ZBTB20: variants seen among roughly 807,000 people sequenced by gnomAD.
ZBTB20 encodes zinc finger and BTB domain-containing protein 20.
Under a neutral mutation model 56.9 loss-of-function variants are expected in ZBTB20, and 9 were observed. That is an observed-to-expected ratio of 0.16 (90% confidence interval 0.10 to 0.28). The LOEUF is 0.28. ZBTB20 is among the 10% of genes least tolerant of loss of function. ZBTB20 has a pLI of 1.00. For synonymous variants in ZBTB20, 417 were observed against 420.7 expected (o/e 0.99, Z 0.11); for missense variants, 655 against 1,003.0 (o/e 0.65, Z 4.69).
intron 3 of ZBTB20, among the ~76,000 whole-genome samples, chr3:114,941,391 A>G (rs1259928008): frequency 2.7e-5 from 4 of 146,510 alleles, no homozygotes; most frequent in Non-Finnish European, 5.9e-5. Flanking sequence ...CTAGACTCCT[A>G]CTTCAGGTTT....
At chr3:115,038,395 C>T (rs2081012975) in intron 2 of ZBTB20, among the ~76,000 whole-genome samples, 1 of 152,138 alleles carries the variant, frequency 6.6e-6, no homozygotes, top group Non-Finnish European at 1.5e-5. Context: ...AAGGTGAAAA[C>T]TGACTTGGCC....
chr3:115,143,383 A>G (rs532900324), intron 1 of ZBTB20, among the ~76,000 whole-genome samples: 1 of 152,264 alleles, frequency 6.6e-6, no homozygotes, highest in Admixed American at 6.5e-5. Context: ...ATCACAACTG[A>G]AACTAGGCAT....
chr3:114,547,395 AAAAG>A (rs1260691704), intron 6 of ZBTB20, among the ~76,000 whole-genome samples: 3 of 152,216 alleles, frequency 2.0e-5, no homozygotes, highest in East Asian at 1.9e-4. Flanking sequence ...GAAAATAAAT[AAAAG>A]AAAGAGGCTG....
At chr3:114,966,620 T>C (rs6796618) in intron 3 of ZBTB20, among the ~76,000 whole-genome samples, 149,514 of 152,084 alleles carry the variant, frequency 0.98, 73,566 homozygotes, top group East Asian at 1. Flanking sequence ...AATAGTTCAG[T>C]CAAGACTGAA....
chr3:114,589,940 C>G (rs1246395219), intron 6 of ZBTB20, among the ~76,000 whole-genome samples: 1 of 152,082 alleles, frequency 6.6e-6, no homozygotes, highest in African/African-American at 2.4e-5. Flanking sequence ...CAAATACCAC[C>G]AACACATGTT....
intron 7 of ZBTB20, among the ~76,000 whole-genome samples, chr3:114,404,167 G>A (rs1376184972): frequency 6.6e-6 from 1 of 152,114 alleles, no homozygotes; most frequent in African/African-American, 2.4e-5. Flanking sequence ...AATCATAGGG[G>A]AATAATCCTT....
intron 7 of ZBTB20, among the ~76,000 whole-genome samples, chr3:114,463,952 TA>T (rs1212733368): frequency 6.6e-6 from 1 of 152,226 alleles, no homozygotes; most frequent in East Asian, 1.9e-4. Flanking sequence ...GTCATTAATA[TA>T]ATTGTGCGAA....
chr3:114,969,316 A>C (rs1357864862), intron 3 of ZBTB20, among the ~76,000 whole-genome samples: 1 of 152,094 alleles, frequency 6.6e-6, no homozygotes, highest in Non-Finnish European at 1.5e-5. Context: ...TGGAGAGAAA[A>C]ATCCCTAAAA....
At chr3:115,017,099 T>C (rs952843486) in intron 2 of ZBTB20, among the ~76,000 whole-genome samples, 3 of 151,710 alleles carry the variant, frequency 2.0e-5, no homozygotes, top group South Asian at 4.1e-4. Flanking sequence ...ATTATCTTTG[T>C]TTGCAGATAA....
intron 8 of ZBTB20, among the ~76,000 whole-genome samples, chr3:114,385,517 T>C (rs1248166972): frequency 6.6e-6 from 1 of 152,218 alleles, no homozygotes; most frequent in Non-Finnish European, 1.5e-5. Flanking sequence ...AGCTCAATAA[T>C]GGTAGTTCCT....
chr3:115,056,435 G>T (rs560171776), intron 2 of ZBTB20, among the ~76,000 whole-genome samples: 1 of 151,958 alleles, frequency 6.6e-6, no homozygotes, highest in Non-Finnish European at 1.5e-5. Flanking sequence ...ACCTGGCAAT[G>T]ATTTTATCCT....
intron 6 of ZBTB20, chr3:114,599,160 T>G (rs1367607735): frequency 6.6e-6 from 1 of 152,092 alleles, no homozygotes; most frequent in Non-Finnish European, 1.5e-5. Flanking sequence ...CTCTGTGCTA[T>G]TTCATAATAG....
At chr3:114,628,719 C>T (rs1012379767) in intron 6 of ZBTB20, among the ~76,000 whole-genome samples, 11 of 152,096 alleles carry the variant, frequency 7.2e-5, no homozygotes, top group African/African-American at 2.7e-4. Context: ...TTGGTAACTG[C>T]CATTTTTCAG....
intron 2 of ZBTB20, among the ~76,000 whole-genome samples, chr3:115,045,637 C>G (rs1299357290): frequency 1.3e-5 from 2 of 151,112 alleles, no homozygotes; most frequent in East Asian, 3.9e-4. Flanking sequence ...TTCAGAACAG[C>G]ACTAACATGG....
At chr3:114,490,775 T>C (rs956261416) in intron 7 of ZBTB20, among the ~76,000 whole-genome samples, 8 of 152,236 alleles carry the variant, frequency 5.3e-5, no homozygotes, top group Non-Finnish European at 8.8e-5. Context: ...ATATGTATGA[T>C]GCATACTAGA....
chr3:114,567,592 A>C (rs766457769), intron 6 of ZBTB20, among the ~76,000 whole-genome samples: 13 of 152,136 alleles, frequency 8.5e-5, no homozygotes, highest in Non-Finnish European at 1.2e-4. Context: ...TTATCCTGGC[A>C]TAATAGCTGA....
At chr3:114,583,174 T>C (rs745549560) in intron 6 of ZBTB20, among the ~76,000 whole-genome samples, 4 of 152,172 alleles carry the variant, frequency 2.6e-5, no homozygotes, top group Non-Finnish European at 5.9e-5. Flanking sequence ...AAAAGCAAAG[T>C]TTTATTCCAG....
intron 6 of ZBTB20, among the ~76,000 whole-genome samples, chr3:114,689,189 G>A (rs1047541030): frequency 3.9e-5 from 6 of 152,028 alleles, no homozygotes; most frequent in Admixed American, 1.3e-4. Context: ...CTCTCATTAC[G>A]GTAATGTCAT....
At chr3:114,999,271 G>A (rs1156553908) in intron 2 of ZBTB20, among the ~76,000 whole-genome samples, 1 of 127,190 alleles carries the variant, frequency 7.9e-6, no homozygotes, top group African/African-American at 2.9e-5. Flanking sequence ...AAGGAGGAGG[G>A]AAATGAAAGG....
Sources: gnomAD v4.1 joint callset for allele counts (sites outside exome capture counted in the v4.1 genomes callset) on GRCh38, gnomAD v4.1.1 for gene constraint, MANE v1.5 for transcripts, NCBI Gene and HGNC (gene_info 2026-07-23, HGNC 2026-07-21) for gene names.